The following RELCH variants were observed in gnomAD, a reference collection of about 807,000 sequenced individuals.
The protein encoded by RELCH is RAB11 binding and LisH domain, coiled-coil and HEAT repeat containing, also known as RAB11-binding protein RELCH.
Under a neutral mutation model 150.3 loss-of-function variants are expected in RELCH, and 41 were observed. That is an observed-to-expected ratio of 0.27 (90% CI 0.21 to 0.35). The LOEUF (loss-of-function observed/expected upper bound fraction) is 0.35, where lower values mean the gene tolerates loss of function less well. Among genes scored for constraint, RELCH ranks in the 10% least tolerant of loss-of-function variants. RELCH has a pLI of 1.00. For missense variants in RELCH, 1,092 were observed against 1,467.8 expected (o/e 0.74, Z 4.18); for synonymous variants, 478 against 531.8 (o/e 0.90, Z 1.39).
intron 1 of RELCH, among the ~76,000 whole-genome samples, chr18:62,189,909 A>C (rs2038496019): frequency 6.6e-6 from 1 of 152,092 alleles, no homozygotes; most frequent in South Asian, 2.1e-4. Context: ...TATTATCCTC[A>C]TTTATTTGTA....
In RELCH at chr18:62,280,259, G is replaced by C; in HGVS notation, c.3051-387G>C. ...TGTCTCGTGTGGATGACTAAACCAA[G>C]AAAGGCCAATGAGTCTGCCTGCCCA... On this transcript the variant is annotated intron_variant, in intron 23 of 28. Coordinates refer to ENST00000644646, the MANE Select transcript of RELCH (RefSeq NM_001346231.2). The C allele has an allele frequency of 2.2e-6, 2 of 914,120 alleles. 1 individual carries two copies. The highest frequency in any genetic ancestry group is 3.5e-6 in the Non-Finnish European group (2 of 564,618). 56.6% of individuals were successfully genotyped at this position (914,120 alleles called of 1,614,324 possible).
chr18:62,217,466 G>T (rs912012948), intron 2 of RELCH, among the ~76,000 whole-genome samples: 20 of 152,066 alleles, frequency 1.3e-4, no homozygotes, highest in African/African-American at 4.8e-4. Flanking sequence ...GTGAGAGTAA[G>T]GGCAAGGAAT....
intron 1 of RELCH, among the ~76,000 whole-genome samples, chr18:62,202,186 C>G (rs2039496930): frequency 6.6e-6 from 1 of 152,274 alleles, no homozygotes; most frequent in African/African-American, 2.4e-5. Context: ...AGTTAAAATA[C>G]TTCATATTAG....
chr18:62,307,180 A>C lies in RELCH; in HGVS notation c.*1646A>C, dbSNP rs1280996872. 2 of 152,076 alleles carry C rather than the reference A, an allele frequency of 1.3e-5. No homozygotes were observed. The highest frequency in any genetic ancestry group is 2.9e-5 in the Non-Finnish European group (2 of 67,992). 9.4% of individuals were successfully genotyped at this position (152,076 alleles called of 1,614,324 possible). ...TGAAACACTATACTTTCTATTAAGC[A>C]AAAAAATGAGAAAAGCCTATATTCA... On this transcript the variant is annotated 3_prime_UTR_variant, in exon 29 of 29. Transcript: ENST00000644646.
chr18:62,268,405 G>A (rs2043705327), intron 19 of RELCH: 1 of 152,432 alleles, frequency 6.6e-6, no homozygotes, highest in Non-Finnish European at 1.5e-5. Flanking sequence ...AAACCCTACT[G>A]AGGATGCAGG....
chr18:62,235,134 T>G (rs916847422), intron 10 of RELCH: 2 of 152,028 alleles, frequency 1.3e-5, no homozygotes, highest in African/African-American at 4.8e-5. Context: ...TCATTTTGAG[T>G]TAATTTTTAT....
In RELCH at chr18:62,187,531, G is replaced by C; in HGVS notation, c.26G>C (p.Ser9Thr). The C allele has an allele frequency of 6.6e-7, 1 of 1,515,204 alleles. No individual in the cohort carries two copies. The highest frequency in any genetic ancestry group is 2.3e-5 in the East Asian group (1 of 43,918). 93.9% of individuals were successfully genotyped at this position (1,515,204 alleles called of 1,614,324 possible). Residue 9 changes from serine (S) to threonine (T), a missense_variant, in exon 1 of 29, where the codon AGT (serine) becomes ACT (threonine). Coordinates refer to ENST00000644646, the MANE Select transcript of RELCH (RefSeq NM_001346231.2). ...ATGGCGGCGATGGCGCCTGGAGGTA[G>C]TGGCAGTGGTGGCGGCGTGAATCCA... is the stretch of plus-strand genomic sequence containing the variant. MAAMAPGG[S>T]GSGGGVNPFL... is the part of the protein sequence containing the mutation.
chr18:62,282,575 C>T (rs1181207511), intron 25 of RELCH, 131 bp downstream of exon 25: 1 of 759,034 alleles, frequency 1.3e-6, no homozygotes, highest in Non-Finnish European at 2.2e-6. Context: ...TACTGAAAGC[C>T]TTGTGTACTC....
At chr18:62,263,192 T>C (rs2043363719) in intron 16 of RELCH, among the ~76,000 whole-genome samples, 2 of 152,052 alleles carry the variant, frequency 1.3e-5, no homozygotes, top group African/African-American at 4.8e-5. Context: ...GACTTAAACA[T>C]AAAAATTTGG....
rs374810725 is a variant in RELCH at position 62,264,011 on chromosome 18, G to A, written c.2373G>A (p.Met791Ile). 3.8e-5 allele frequency: 61 copies of A among 1,608,164 alleles called. 1 individual carries two copies. The Middle Eastern group carries it at 6.6e-4, about 17-fold the overall frequency. Reference protein sequence around the residue: ...QIEVTRFPRPMSPLQDVSTII... With the variant: ...QIEVTRFPRPISPLQDVSTII... ...TAGTGACTAGGTTTCCTCGGCCTATGTCGCCTCTTCAAGATGTGTCCACTA... is the reference window on the plus strand; with the variant it reads ...TAGTGACTAGGTTTCCTCGGCCTATATCGCCTCTTCAAGATGTGTCCACTA... The change falls in exon 17 of 29, where the codon ATG becomes ATA. Residue 791 changes from methionine (M) to isoleucine (I), a missense_variant. This residue lies in a region of RELCH where 707 missense variants were observed against 1,025.4 expected (regional missense o/e 0.69). Transcript: ENST00000644646.
intron 1 of RELCH, among the ~76,000 whole-genome samples, chr18:62,203,294 A>G (rs977976093): frequency 6.6e-6 from 1 of 152,104 alleles, no homozygotes; most frequent in Non-Finnish European, 1.5e-5. Flanking sequence ...CATCTCTACT[A>G]AAAATACAAA....
chr18:62,293,055 C>G (rs968235563), intron 27 of RELCH, among the ~76,000 whole-genome samples: 4 of 152,190 alleles, frequency 2.6e-5, no homozygotes, highest in African/African-American at 9.7e-5. Context: ...TCCTCCATCA[C>G]ACACTCTGCC....
intron 1 of RELCH, among the ~76,000 whole-genome samples, chr18:62,206,669 A>G (rs1387466891): frequency 1.3e-5 from 2 of 152,204 alleles, no homozygotes; most frequent in Non-Finnish European, 2.9e-5. Context: ...TCCCTTTTTA[A>G]ACATTAGCTG....
chr18:62,193,829 T>G (rs531677830), intron 1 of RELCH, among the ~76,000 whole-genome samples: 1 of 152,334 alleles, frequency 6.6e-6, no homozygotes, highest in African/African-American at 2.4e-5. Flanking sequence ...CTTTTTTAAA[T>G]TAAGGTTTTT....
chr18:62,297,920 G>A (rs568195854), intron 27 of RELCH, among the ~76,000 whole-genome samples: 1 of 152,046 alleles, frequency 6.6e-6, no homozygotes, highest in African/African-American at 2.4e-5. Context: ...CATGTGAATT[G>A]TACCGTTCTC....
At chr18:62,278,660 A>C (rs2044343680) in intron 22 of RELCH, among the ~76,000 whole-genome samples, 1 of 152,126 alleles carries the variant, frequency 6.6e-6, no homozygotes, top group Non-Finnish European at 1.5e-5. Context: ...TTTAGGATTA[A>C]TATGTGCTTA....
chr18:62,283,923 C>T (rs1290840798), intron 25 of RELCH, among the ~76,000 whole-genome samples: 4 of 151,998 alleles, frequency 2.6e-5, no homozygotes, highest in Non-Finnish European at 5.9e-5. Flanking sequence ...TCATGTTAAA[C>T]GGGTCTTTGG....
At chr18:62,220,938 A>G (rs999170941) in intron 2 of RELCH, 99 bp from the exon 3 acceptor site, 36 of 923,430 alleles carry the variant, frequency 3.9e-5, no homozygotes, top group Admixed American at 1.3e-4. Context: ...TACAAATTGT[A>G]TTTTTTTTTC....
At chr18:62,237,836 G>A (rs1286310100) in intron 10 of RELCH, among the ~76,000 whole-genome samples, 1 of 151,620 alleles carries the variant, frequency 6.6e-6, no homozygotes, top group Non-Finnish European at 1.5e-5. Flanking sequence ...GTAGGATAAA[G>A]GTTTAATCAG....
Sources: allele counts gnomAD v4.1 joint callset (sites outside exome capture counted in the v4.1 genomes callset), GRCh38; gene constraint gnomAD v4.1.1; regional missense constraint gnomAD v4.1.1; transcripts MANE v1.5; gene names NCBI Gene and HGNC (gene_info 2026-07-23, HGNC 2026-07-21).